The following FHIP1B variants were observed in gnomAD, a reference collection of about 807,000 sequenced individuals.
FHIP1B encodes FHF complex subunit HOOK-interacting protein 1B.
Under a neutral mutation model 82.2 loss-of-function variants are expected in FHIP1B, and 28 were observed. The observed-to-expected ratio is 0.34, with a 90% confidence interval of 0.25 to 0.47. FHIP1B has a LOEUF of 0.47. Ranked by LOEUF, FHIP1B falls within the 20% of genes least tolerant of loss-of-function variation. The pLI is 1.00. For missense variants in FHIP1B, 1,110 were observed against 1,262.6 expected, an observed-to-expected ratio of 0.88 and a Z score of 1.83; for synonymous variants, 585 against 516.1, an observed-to-expected ratio of 1.13 and a Z score of -1.81.
In FHIP1B at chr11:6,229,517, A is replaced by G. The variant is rs1012354122; in HGVS notation, c.-191-4810T>C. ...CCTTATCGCCTCCCATGCATACCTC[A>G]GTCAGCTGAAGAAAGGCCAAGCATT... On this transcript the variant is annotated intron_variant, in intron 1 of 11. Coordinates refer to ENST00000449352, the MANE Select transcript of FHIP1B (RefSeq NM_001098794.2). Among the ~76,000 whole-genome samples the G allele has an allele frequency of 2.6e-5, 4 of 152,218 alleles. No homozygotes were observed. In the South Asian group the frequency reaches 8.3e-4, roughly 32 times the overall value.
chr11:6,224,035 C>T lies in FHIP1B; in HGVS notation c.352G>A (p.Glu118Lys). 6.2e-7 allele frequency: 1 copy of T among 1,613,648 alleles called. No homozygotes were observed. Among genetic ancestry groups the T allele is most frequent in the Non-Finnish European group, 8.5e-7 (1 of 1,179,752 alleles). Reference sequence around the variant, plus strand: ...CGTTCCTCGACCCCATCCCCAAGCTCATCCCATTGCAGCTGCCATGTCAAC... The same window carrying T: ...CGTTCCTCGACCCCATCCCCAAGCTTATCCCATTGCAGCTGCCATGTCAAC... ...RVLTWQLQWDELGDGVEERRA... is the reference protein window; with the variant it reads ...RVLTWQLQWDKLGDGVEERRA... Residue 118 changes from glutamate to lysine, a missense_variant, in exon 3 of 12, where the codon GAG becomes AAG. Glu to Lys is a moderately conservative substitution (Grantham distance 56, BLOSUM62 1). Around this residue, in one of 6 missense-constraint regions of FHIP1B, gnomAD observed 467 missense variants for 602.9 expected, o/e 0.77. Transcript: ENST00000449352.
At chr11:6,222,972 CAG>C (rs986096389) in intron 4 of FHIP1B, 75 bp from the exon 5 acceptor site, 2 of 1,573,570 alleles carry the variant, frequency 1.3e-6, no homozygotes, top group South Asian at 2.2e-5. Flanking sequence ...TAGTACACTA[CAG>C]AGAGGCATCC....
chr11:6,220,715 G>C (rs902782252), intron 6 of FHIP1B, among the ~76,000 whole-genome samples: 2 of 152,146 alleles, frequency 1.3e-5, no homozygotes, highest in African/African-American at 4.8e-5. Context: ...AAGACCAGGG[G>C]ACCAAATGGG....
rs376693585 is a variant in FHIP1B at position 6,219,054 on chromosome 11, G to T, written c.1192-4C>A. 7.6e-5 allele frequency: 123 copies of T among 1,608,592 alleles called. No homozygotes were observed. In the African/African-American group the frequency reaches 1.6e-3, roughly 20 times the overall value. ...GACTCAGAGAGACCATGCAGAGCTG[G>T]GGGGGTGGAGGGGAGGGAGGGAGTC... On this transcript the variant is annotated splice_region_variant and splice_polypyrimidine_tract_variant and intron_variant, in intron 6 of 11. Coordinates refer to ENST00000449352, the MANE Select transcript of FHIP1B (RefSeq NM_001098794.2).
At chr11:6,231,080 G>C (rs1028453967) in intron 1 of FHIP1B, among the ~76,000 whole-genome samples, 1 of 152,174 alleles carries the variant, frequency 6.6e-6, no homozygotes, top group Non-Finnish European at 1.5e-5. Context: ...CCAGAAAATA[G>C]CAAGTTTTAA....
Position 6,218,088 on chromosome 11 carries a change from A to T in FHIP1B, c.1498T>A (p.Ser500Thr). 1 of 1,613,864 alleles carries T rather than the reference A, an allele frequency of 6.2e-7. No homozygotes were observed. Among genetic ancestry groups the T allele is most frequent in the Non-Finnish European group, 8.5e-7 (1 of 1,179,876 alleles). Residue 500 changes from serine to threonine, a missense_variant, in exon 9 of 12, where the codon TCT becomes ACT. Physicochemically the swap from Ser to Thr is moderately conservative, Grantham distance 58. Coordinates refer to ENST00000449352, the MANE Select transcript of FHIP1B (RefSeq NM_001098794.2). ...VTTVPRPSTP[S>T]RLALFLRQQS... ...TGCCGCAGGAAGAGAGCCAGACGAG[A>T]TGGTGTGGAGGGCCGGGGTACTGTC...
chr11:6,217,580 G>A lies in FHIP1B; in HGVS notation c.2006C>T (p.Ala669Val), dbSNP rs866799938. ...ELLEGISEGM[A>V]GLEGFGQELR... ...CTCCTGCCCAAAGCCCTCTAGTCCT[G>A]CCATGCCCTCGGAGATGCCCTCTAG... Residue 669 changes from alanine (A) to valine (V), a missense_variant, in exon 9 of 12, where the codon GCA (alanine) becomes GTA (valine). Physicochemically the swap from Ala to Val is moderately conservative, Grantham distance 64. This residue lies in a region of FHIP1B where 418 missense variants were observed against 371.4 expected (regional missense o/e 1.13). Coordinates refer to ENST00000449352, the MANE Select transcript of FHIP1B (RefSeq NM_001098794.2). 6.2e-7 allele frequency: 1 copy of A among 1,612,420 alleles called. No individual in the cohort carries two copies. Among genetic ancestry groups the A allele is most frequent in the Non-Finnish European group, 8.5e-7 (1 of 1,179,152 alleles).
rs138279096 is a variant in FHIP1B, at chr11:6,218,560, G to A, written c.1435+40C>T. 409 of 1,612,970 alleles carry A rather than the reference G, an allele frequency of 2.5e-4. 1 individual carries two copies. The highest frequency in any genetic ancestry group is 2.1e-3 in the East Asian group (94 of 44,818). The stretch of plus-strand genomic sequence containing the variant: ...CTCCCCCAGAACCTAGGCCATACCC[G>A]TGATGTCCTCCCTTCTCCCTGTCTC... On this transcript the variant is annotated intron_variant, in intron 8 of 11. Coordinates refer to ENST00000449352, the MANE Select transcript of FHIP1B (RefSeq NM_001098794.2).
chr11:6,224,509 C>A lies in FHIP1B; in HGVS notation c.8G>T (p.Arg3Met), dbSNP rs758474416. 2.5e-6 allele frequency: 4 copies of A among 1,611,926 alleles called. No individual in the cohort carries two copies. Among genetic ancestry groups the A allele is most frequent in the Admixed American group, 3.3e-5 (2 of 59,778 alleles). ...GGCCAGTCTGCTCAGCCAATTCATC[C>A]TCTCCATGAGGCAGGCTGGGCAGGA... is the stretch of plus-strand genomic sequence containing the variant. MERMNWLSRLASR... is the reference protein window; with the variant it reads MEMMNWLSRLASR... Residue 3 changes from arginine to methionine, a missense_variant, in exon 2 of 12, where the codon AGG becomes ATG. Transcript: ENST00000449352.
intron 8 of FHIP1B, 163 bp downstream of exon 8, chr11:6,218,437 A>G (rs551885401): frequency 1.8e-6 from 2 of 1,125,280 alleles, no homozygotes; most frequent in African/African-American, 3.1e-5. Context: ...GTGAGTGTTA[A>G]GGGTCCTCCC....
rs990279801 is a variant in FHIP1B at position 6,217,659 on chromosome 11, G to T, written c.1927C>A (p.Pro643Thr). The T allele has an allele frequency of 6.2e-7, 1 of 1,613,866 alleles. No homozygotes were observed. The highest frequency in any genetic ancestry group is 8.5e-7 in the Non-Finnish European group (1 of 1,180,016). Residue 643 changes from proline (P) to threonine (T), a missense_variant, in exon 9 of 12, where the codon CCT becomes ACT. Coordinates refer to ENST00000449352, the MANE Select transcript of FHIP1B (RefSeq NM_001098794.2). ...AGACGAACCTTCTTGGCCCCCTCAG[G>T]CCATGATCCTGGCACTCCATTGAGC... ...PQLNGVPGSW[P>T]EGAKKVRLVP... is the part of the protein sequence containing the mutation.
chr11:6,212,874 C>G (rs1293106419), intron 11 of FHIP1B, among the ~76,000 whole-genome samples: 1 of 152,140 alleles, frequency 6.6e-6, no homozygotes, highest in Non-Finnish European at 1.5e-5. Flanking sequence ...GCGCCTGTAG[C>G]TCCCTCTGCC....
intron 6 of FHIP1B, 149 bp from the exon 7 acceptor site, chr11:6,219,199 A>G (rs1291250469): frequency 3.2e-6 from 2 of 624,950 alleles, no homozygotes; most frequent in East Asian, 2.8e-5. Flanking sequence ...TGCCTGGCAC[A>G]TAAGTCATTC....
chr11:6,213,402 G>C (rs1462085132), intron 11 of FHIP1B, among the ~76,000 whole-genome samples: 1 of 152,154 alleles, frequency 6.6e-6, no homozygotes, highest in Non-Finnish European at 1.5e-5. Context: ...TTTCCTCAAA[G>C]GGAGAAAAAC....
At chr11:6,212,703 T>C (rs1847106655) in intron 11 of FHIP1B, among the ~76,000 whole-genome samples, 2 of 152,244 alleles carry the variant, frequency 1.3e-5, no homozygotes, top group Admixed American at 1.3e-4. Flanking sequence ...CTACATCTAA[T>C]ACTGGCTACA....
intron 1 of FHIP1B, among the ~76,000 whole-genome samples, chr11:6,226,662 A>G (rs902929741): frequency 1.3e-5 from 2 of 152,272 alleles, no homozygotes; most frequent in Non-Finnish European, 2.9e-5. Flanking sequence ...TTGCAAATTT[A>G]GTGTGCCTTA....
chr11:6,217,150 TAAGTC>T, intron 9 of FHIP1B: 1 of 704,264 alleles, frequency 1.4e-6, no homozygotes. Context: ...GGCTCAGATG[TAAGTC>T]AATACTCAAA....
chr11:6,216,372 C>T (rs184439162), intron 9 of FHIP1B, among the ~76,000 whole-genome samples: 2 of 152,260 alleles, frequency 1.3e-5, no homozygotes, highest in East Asian at 1.9e-4. Flanking sequence ...TGCTATGTAC[C>T]CAGAGATCCT....
chr11:6,226,966 A>AT (rs1847581472), intron 1 of FHIP1B, among the ~76,000 whole-genome samples: 1 of 152,234 alleles, frequency 6.6e-6, no homozygotes, highest in African/African-American at 2.4e-5. Flanking sequence ...ACTAAGAGAA[A>AT]TATTAGGAAA....
Sources: allele counts gnomAD v4.1 joint callset (sites outside exome capture counted in the v4.1 genomes callset), GRCh38; gene constraint gnomAD v4.1.1; regional missense constraint gnomAD v4.1.1; transcripts MANE v1.5; gene names NCBI Gene and HGNC (gene_info 2026-07-23, HGNC 2026-07-21).